The following ZNF423 variants were observed in gnomAD, a reference collection of about 807,000 sequenced individuals.
The protein encoded by ZNF423 is Ebf-associated zinc finger protein.
ZNF423 carries 12 observed loss-of-function variants against 95.8 expected under a neutral mutation model. The observed-to-expected ratio is 0.13, with a 90% confidence interval of 0.08 to 0.20. The LOEUF (loss-of-function observed/expected upper bound fraction) is 0.20, where lower values mean the gene tolerates loss of function less well. ZNF423 is among the 10% of genes least tolerant of loss of function. The probability of loss-of-function intolerance (pLI) is 1.00; values close to 1 mark genes in which losing one functional copy is unlikely to be tolerated. For missense variants in ZNF423, 1,316 were observed against 1,737.1 expected, an observed-to-expected ratio of 0.76 and a Z score of 4.31; for synonymous variants, 749 against 711.9, an observed-to-expected ratio of 1.05 and a Z score of -0.83.
intron 2 of ZNF423, among the ~76,000 whole-genome samples, chr16:49,755,998 A>G (rs1250551075): frequency 6.6e-6 from 1 of 152,146 alleles, no homozygotes; most frequent in Non-Finnish European, 1.5e-5. Flanking sequence ...TGGCTGATTG[A>G]GGCAGAAAGA....
At chr16:49,523,833 T>C (rs550482498) in intron 6 of ZNF423, 94 bp from the exon 7 acceptor site, 2 of 989,346 alleles carry the variant, frequency 2.0e-6, no homozygotes, top group East Asian at 2.4e-5. Context: ...CAGGGATCAC[T>C]GTGGCATAGG....
Position 49,489,444 on chromosome 16 carries a change from C to T in ZNF423, c.*1831G>A, listed in dbSNP as rs962842441. The T allele has an allele frequency of 1.3e-5, 2 of 152,252 alleles. No homozygotes were observed. The highest frequency in any genetic ancestry group is 4.8e-5 in the African/African-American group (2 of 41,470). The allele number at this position is 152,252 out of a possible 1,614,324, so 9.4% of individuals were successfully genotyped here. ...CTCCAGGAGGCTGAAAATTGGCATT[C>T]ACAGCCTTCAGTTTCCAGGAGGCAA... On this transcript the variant is annotated 3_prime_UTR_variant, in exon 8 of 8. Coordinates refer to ENST00000563137, the MANE Select transcript of ZNF423 (RefSeq NM_001379286.1).
intron 3 of ZNF423, among the ~76,000 whole-genome samples, chr16:49,646,951 AC>A (rs531561424): frequency 5.3e-4 from 81 of 152,300 alleles, no homozygotes; most frequent in Admixed American, 1.0e-3. Flanking sequence ...TGAGGTAGGT[AC>A]TATTAACAAC....
intron 3 of ZNF423, among the ~76,000 whole-genome samples, chr16:49,668,038 T>C (rs1218276108): frequency 6.6e-6 from 1 of 152,122 alleles, no homozygotes; most frequent in Non-Finnish European, 1.5e-5. Context: ...GGCAACCTGT[T>C]CTCCCAACTA....
At chr16:49,828,760 C>T (rs898284270) in intron 1 of ZNF423, among the ~76,000 whole-genome samples, 3 of 152,210 alleles carry the variant, frequency 2.0e-5, no homozygotes, top group Non-Finnish European at 2.9e-5. Context: ...GTCCCGCCCA[C>T]GCACACGCAG....
At chr16:49,544,362 T>C (rs1969365991) in intron 5 of ZNF423, among the ~76,000 whole-genome samples, 2 of 152,214 alleles carry the variant, frequency 1.3e-5, no homozygotes. Context: ...TGCATCTCTC[T>C]GAACGTACGC....
intron 1 of ZNF423, among the ~76,000 whole-genome samples, chr16:49,839,756 C>T (rs2035163826): frequency 6.6e-6 from 1 of 152,172 alleles, no homozygotes; most frequent in Admixed American, 6.5e-5. Context: ...TCGCCGCCCT[C>T]CCAGGGTGAA....
chr16:49,572,206 G>A (rs1228925085), intron 5 of ZNF423, among the ~76,000 whole-genome samples: 1 of 152,182 alleles, frequency 6.6e-6, no homozygotes, highest in Non-Finnish European at 1.5e-5. Context: ...TCTGCTATGA[G>A]CAGGAGACTT....
rs1217388115 is a variant in ZNF423 at position 49,635,595 on chromosome 16, C to T, written c.3516+65G>A. On this transcript the variant is annotated intron_variant, in intron 4 of 7. Transcript: ENST00000563137. The surrounding 1 kb of genome is among the most constrained non-coding windows in gnomAD (Gnocchi z 4.8). ...AACACGGCACTCAGGGTACGTGGCT[C>T]CTGTGGGGACCAGAGGAGCCCCAAG... 2 of 1,497,976 alleles carry T rather than the reference C, an allele frequency of 1.3e-6. No individual in the cohort carries two copies. The highest frequency in any genetic ancestry group is 2.5e-5 in the Admixed American group (1 of 40,592). 92.8% of individuals were successfully genotyped at this position (1,497,976 alleles called of 1,614,324 possible).
At chr16:49,704,211 A>C (rs2032281023) in intron 3 of ZNF423, among the ~76,000 whole-genome samples, 1 of 152,074 alleles carries the variant, frequency 6.6e-6, no homozygotes, top group South Asian at 2.1e-4. Flanking sequence ...TAAAGAACTG[A>C]AAAGGAGAAG....
Position 49,637,407 on chromosome 16 carries a change from T to C in ZNF423, c.1769A>G (p.Lys590Arg). ...GTTCTTGTGGTTCTCCTTGATGTGC[T>C]TGGTGAGTTTCAGGATGGAGCCAAA... is the stretch of plus-strand genomic sequence containing the variant. ...PIFGSILKLT[K>R]HIKENHKNIP... Residue 590 changes from lysine (K) to arginine (R), a missense_variant, in exon 4 of 8, where the codon AAG (lysine) becomes AGG (arginine). Lys to Arg is a conservative substitution (Grantham distance 26, BLOSUM62 2). Around this residue, in one of 6 missense-constraint regions of ZNF423, gnomAD observed 9 missense variants for 31.8 expected, o/e 0.28. Transcript: ENST00000563137. The surrounding 1 kb of genome is among the most constrained non-coding windows in gnomAD (Gnocchi z 5.6). 6.2e-7 allele frequency: 1 copy of C among 1,614,134 alleles called. No individual in the cohort carries two copies. The highest frequency in any genetic ancestry group is 1.3e-5 in the African/African-American group (1 of 75,038).
chr16:49,698,790 C>A (rs1163512026), intron 3 of ZNF423, among the ~76,000 whole-genome samples: 4 of 152,220 alleles, frequency 2.6e-5, no homozygotes. Context: ...CCGAGCCCGG[C>A]CGCCGGAGCC....
At chr16:49,787,836 C>G (rs1467512485) in intron 2 of ZNF423, among the ~76,000 whole-genome samples, 1 of 152,194 alleles carries the variant, frequency 6.6e-6, no homozygotes, top group Non-Finnish European at 1.5e-5. Context: ...CTGTAGACAA[C>G]ACTGGGCTGA....
intron 5 of ZNF423, among the ~76,000 whole-genome samples, chr16:49,553,743 A>G (rs1354138620): frequency 1.3e-5 from 2 of 151,888 alleles, no homozygotes; most frequent in Non-Finnish European, 2.9e-5. Context: ...AATAACAACC[A>G]CTCTTAGTAG....
At chr16:49,552,929 G>A (rs1037681882) in intron 5 of ZNF423, among the ~76,000 whole-genome samples, 1 of 152,040 alleles carries the variant, frequency 6.6e-6, no homozygotes, top group African/African-American at 2.4e-5. Flanking sequence ...GCTCTACCCT[G>A]GAAACCAGCA....
At chr16:49,616,988 C>G (rs573715288) in intron 5 of ZNF423, among the ~76,000 whole-genome samples, 3 of 152,210 alleles carry the variant, frequency 2.0e-5, no homozygotes, top group African/African-American at 7.2e-5. Flanking sequence ...ATCCTCCAAA[C>G]AGTGCCAACC....
intron 5 of ZNF423, among the ~76,000 whole-genome samples, chr16:49,623,015 T>C (rs555280509): frequency 6.6e-6 from 1 of 152,190 alleles, no homozygotes; most frequent in South Asian, 2.1e-4. Context: ...CAAGGTCCTC[T>C]GGTAGACTGG....
At chr16:49,747,007 G>A (rs1001174714) in intron 2 of ZNF423, among the ~76,000 whole-genome samples, 4 of 152,174 alleles carry the variant, frequency 2.6e-5, no homozygotes, top group Non-Finnish European at 5.9e-5. Context: ...GGGAAAGAAG[G>A]TACTTAAAGT....
intron 3 of ZNF423, among the ~76,000 whole-genome samples, chr16:49,654,646 A>G (rs896900552): frequency 6.6e-6 from 1 of 152,238 alleles, no homozygotes; most frequent in Non-Finnish European, 1.5e-5. Context: ...GTGTTCTTCC[A>G]AACATGGGCT....
Sources: gnomAD v4.1 joint callset for allele counts (sites outside exome capture counted in the v4.1 genomes callset) on GRCh38, gnomAD v4.1.1 for gene constraint, gnomAD v4.1.1 regional missense constraint, Gnocchi (gnomAD v3.1) non-coding constraint, MANE v1.5 for transcripts, NCBI Gene and HGNC (gene_info 2026-07-23, HGNC 2026-07-21) for gene names.